The following LRFN5 variants were observed in gnomAD, a reference collection of about 807,000 sequenced individuals.
The protein encoded by LRFN5 is leucine-rich repeat and fibronectin type-III domain-containing protein 5.
A neutral mutation model predicts 45.6 loss-of-function variants in LRFN5; 24 were observed. The observed-to-expected ratio is 0.53, with a 90% CI of 0.38 to 0.74. LRFN5 has a LOEUF of 0.74. Among genes scored for constraint, LRFN5 ranks in the 30% least tolerant of loss-of-function variants. LRFN5 has a pLI of 0.00. For synonymous variants in LRFN5, 340 were observed against 313.8 expected, an observed-to-expected ratio of 1.08 and a Z score of -0.88; for missense variants, 776 against 861.5, an observed-to-expected ratio of 0.90 and a Z score of 1.24.
intron 2 of LRFN5, among the ~76,000 whole-genome samples, chr14:41,884,485 G>A (rs1594494483): frequency 6.6e-6 from 1 of 152,130 alleles, no homozygotes; most frequent in East Asian, 1.9e-4. Context: ...AGGTTCAAGA[G>A]GCGGAAGAAG....
At chr14:41,664,948 T>C (rs1054034584) in intron 1 of LRFN5, among the ~76,000 whole-genome samples, 5 of 152,186 alleles carry the variant, frequency 3.3e-5, no homozygotes, top group African/African-American at 1.2e-4. Context: ...GTACCAATGA[T>C]TGTATTTCAG....
intron 1 of LRFN5, among the ~76,000 whole-genome samples, chr14:41,650,896 A>AGAGAGGGAGGGAGG (rs750337266): frequency 4.9e-5 from 4 of 80,908 alleles, no homozygotes; most frequent in African/African-American, 1.1e-4. Context: ...AGAGAGAGAG[A>AGAGAGGGAGGGAGG]GAGGGAGGGA....
intron 2 of LRFN5, among the ~76,000 whole-genome samples, chr14:41,851,851 CTGTT>C (rs1168240612): frequency 1.3e-5 from 2 of 151,582 alleles, no homozygotes; most frequent in African/African-American, 4.8e-5. Flanking sequence ...ATTAATGGGT[CTGTT>C]TGGTCTGTGG....
chr14:41,799,232 T>TAGTCTACAAATAACCAAA (rs1887240104), intron 2 of LRFN5, among the ~76,000 whole-genome samples: 1 of 151,996 alleles, frequency 6.6e-6, no homozygotes, highest in Non-Finnish European at 1.5e-5. Context: ...ACCTTTTCTG[T>TAGTCTACAAATAACCAAA]AGTCTACAAA....
chr14:41,673,348 A>AT (rs1400594180), intron 1 of LRFN5, among the ~76,000 whole-genome samples: 4 of 128,602 alleles, frequency 3.1e-5, no homozygotes, highest in Non-Finnish European at 6.6e-5. Flanking sequence ...CGGGGGGCTG[A>AT]CCCCCCACCT....
intron 1 of LRFN5, among the ~76,000 whole-genome samples, chr14:41,686,047 C>T (rs1226769794): frequency 6.6e-6 from 1 of 151,956 alleles, no homozygotes; most frequent in Non-Finnish European, 1.5e-5. Context: ...ATCTATAAAT[C>T]GCTTTGGGCA....
rs750900263 is a variant in LRFN5, at chr14:41,886,730, C to G, written c.105C>G (p.Thr35=). Residue 35 remains threonine (T), a synonymous_variant, in exon 3 of 6, where the codon ACC becomes ACG. Transcript: ENST00000298119. ...AGATTTTGTCTCCTAATCTTGCAAC[C>G]CTTTGTGCCAAGAAAGGGCTTTTAT... ...VCQILSPNLA[T]LCAKKGLLFV... is the part of the protein sequence containing the mutation. 4 of 1,613,918 alleles carry G rather than the reference C, an allele frequency of 2.5e-6. No individual in the cohort carries two copies. The highest frequency in any genetic ancestry group is 3.3e-5 in the Admixed American group (2 of 59,994).
At position 41,822,985 on chromosome 14, in the gene LRFN5, C is replaced by T. The variant is rs189949386; in HGVS notation, c.-21+55956C>T. Among the ~76,000 whole-genome samples, 439 of 150,988 alleles carry T rather than the reference C, an allele frequency of 2.9e-3. 4 individuals are homozygous for T. The highest frequency in any genetic ancestry group is 0.01 in the African/African-American group (420 of 41,170). ...AGCTACTCCTGCTCACTTTTGGTTCCCATATGTATGATATATTTTTTTCCA... is the reference window on the plus strand; with the variant it reads ...AGCTACTCCTGCTCACTTTTGGTTCTCATATGTATGATATATTTTTTTCCA... On this transcript the variant is annotated intron_variant, in intron 2 of 5. Transcript: ENST00000298119.
intron 2 of LRFN5, among the ~76,000 whole-genome samples, chr14:41,873,417 GAC>G (rs1390437723): frequency 6.6e-4 from 60 of 91,174 alleles, no homozygotes; most frequent in Admixed American, 1.7e-3. Context: ...GAGAGAGAGA[GAC>G]AGAGAGAGAG....
chr14:41,833,544 G>A (rs893594312), intron 2 of LRFN5, among the ~76,000 whole-genome samples: 1 of 152,124 alleles, frequency 6.6e-6, no homozygotes, highest in Non-Finnish European at 1.5e-5. Flanking sequence ...ACTTCTCAAA[G>A]TCCTGCCTGC....
intron 2 of LRFN5, among the ~76,000 whole-genome samples, chr14:41,883,889 C>A (rs1890473858): frequency 1.3e-5 from 2 of 152,204 alleles, no homozygotes; most frequent in South Asian, 4.1e-4. Context: ...TAACAGCATT[C>A]TTCTGATATT....
intron 5 of LRFN5, among the ~76,000 whole-genome samples, chr14:41,903,613 G>A (rs1447410005): frequency 6.6e-6 from 1 of 151,384 alleles, no homozygotes; most frequent in African/African-American, 2.4e-5. Context: ...ATTCAAACAT[G>A]GAATGCCTGT....
chr14:41,673,452 C>T (rs1881354913), intron 1 of LRFN5, among the ~76,000 whole-genome samples: 1 of 140,990 alleles, frequency 7.1e-6, no homozygotes, highest in Non-Finnish European at 1.5e-5. Flanking sequence ...GGGGCTGACC[C>T]CCCCACCTCC....
At chr14:41,647,540 G>A (rs183415710) in intron 1 of LRFN5, among the ~76,000 whole-genome samples, 4 of 152,308 alleles carry the variant, frequency 2.6e-5, no homozygotes, top group Non-Finnish European at 5.9e-5. Flanking sequence ...ACAAGCATTG[G>A]TAACTGAAGG....
chr14:41,634,424 C>T (rs763949499), intron 1 of LRFN5, among the ~76,000 whole-genome samples: 5 of 152,096 alleles, frequency 3.3e-5, no homozygotes, highest in Non-Finnish European at 7.4e-5. Context: ...TCCCGATGTT[C>T]AAAAAGCCAT....
chr14:41,896,875 G>A (rs1053736172), intron 4 of LRFN5, among the ~76,000 whole-genome samples: 2 of 151,866 alleles, frequency 1.3e-5, no homozygotes, highest in Non-Finnish European at 1.5e-5. Flanking sequence ...GGCAGATCAC[G>A]AGGTCAGGAG....
chr14:41,873,235 T>G (rs1485446845), intron 2 of LRFN5, among the ~76,000 whole-genome samples: 1 of 152,166 alleles, frequency 6.6e-6, no homozygotes. Context: ...AGTGCAGGAT[T>G]TGAAGGAAAC....
At chr14:41,683,052 C>T (rs1049932624) in intron 1 of LRFN5, among the ~76,000 whole-genome samples, 17 of 152,090 alleles carry the variant, frequency 1.1e-4, no homozygotes, top group Non-Finnish European at 2.2e-4. Flanking sequence ...TCCTACTGAA[C>T]ATTGATATGA....
chr14:41,670,215 G>GTGTA (rs1555352823), intron 1 of LRFN5, among the ~76,000 whole-genome samples: 5 of 113,386 alleles, frequency 4.4e-5, no homozygotes, highest in African/African-American at 1.3e-4. Flanking sequence ...GTGTGTGTGT[G>GTGTA]TATATATATG....
Sources: allele counts gnomAD v4.1 joint callset (sites outside exome capture counted in the v4.1 genomes callset), GRCh38; gene constraint gnomAD v4.1.1; transcripts MANE v1.5; gene names NCBI Gene and HGNC (gene_info 2026-07-23, HGNC 2026-07-21).